SOX5: variants seen among roughly 807,000 people sequenced by gnomAD.
SOX5 encodes SRY-box transcription factor 5, also known as transcription factor SOX-5.
Under a neutral mutation model 92.0 loss-of-function variants are expected in SOX5, and 9 were observed. The ratio of observed to expected loss-of-function variants is 0.10; its 90% CI spans 0.06 to 0.17. SOX5 has a LOEUF of 0.17. Ranked by LOEUF, SOX5 falls within the 10% of genes least tolerant of loss-of-function variation. The probability of loss-of-function intolerance (pLI) is 1.00; values close to 1 mark genes in which losing one functional copy is unlikely to be tolerated. For synonymous variants in SOX5, 344 were observed against 336.3 expected, an observed-to-expected ratio of 1.02 and a Z score of -0.25; for missense variants, 642 against 944.5, an observed-to-expected ratio of 0.68 and a Z score of 4.20.
intron 2 of SOX5, among the ~76,000 whole-genome samples, chr12:24,343,683 A>C (rs924806154): frequency 6.6e-6 from 1 of 152,098 alleles, no homozygotes; most frequent in African/African-American, 2.4e-5. Flanking sequence ...GGTACATAGC[A>C]CATAATTATT....
In SOX5 at chr12:24,540,962, T is replaced by C. The variant is rs78849673; in HGVS notation, c.-251+21367A>G. ...GCATTGCAAAATATCATATATAATA[T>C]AAACTTAACATAACCCTTTTAATCT... On this transcript the variant is annotated intron_variant, in intron 1 of 4. Coordinates refer to the SOX5 transcript ENST00000446891. Among the ~76,000 whole-genome samples the C allele has an allele frequency of 1.0e-3, 157 of 152,298 alleles. 2 individuals carry two copies. In the East Asian group the frequency reaches 0.028, roughly 27 times the overall value.
At chr12:23,971,969 A>G (rs533309248) in intron 4 of SOX5, among the ~76,000 whole-genome samples, 46 of 152,364 alleles carry the variant, frequency 3.0e-4, no homozygotes, top group African/African-American at 1.1e-3. Context: ...GAGTAAAATT[A>G]GAATAAATGA....
At chr12:23,665,387 C>T (rs2083629816) in intron 7 of SOX5, 57 bp downstream of exon 7, 1 of 1,578,996 alleles carries the variant, frequency 6.3e-7, no homozygotes, top group East Asian at 2.2e-5. Flanking sequence ...TATTAAATTG[C>T]CTAATTTAAA....
intron 5 of SOX5, among the ~76,000 whole-genome samples, chr12:23,737,210 G>T (rs999873677): frequency 1.3e-5 from 2 of 151,986 alleles, no homozygotes; most frequent in African/African-American, 4.8e-5. Flanking sequence ...TGTTGTAATG[G>T]CCTCCATTTG....
At chr12:23,990,789 G>T (rs549068601) in intron 4 of SOX5, among the ~76,000 whole-genome samples, 2 of 152,154 alleles carry the variant, frequency 1.3e-5, no homozygotes, top group East Asian at 3.9e-4. Context: ...ACCTACCCAT[G>T]CCTAGAACAT....
At position 23,711,172 on chromosome 12, in the gene SOX5, C is replaced by T. The variant is rs536630590; in HGVS notation, c.810+23512G>A. Among the ~76,000 whole-genome samples, 10 of 152,196 alleles carry T rather than the reference C, an allele frequency of 6.6e-5. No homozygotes were observed. In the East Asian group the frequency reaches 1.5e-3, roughly 23 times the overall value. On this transcript the variant is annotated intron_variant, in intron 6 of 14. Coordinates refer to ENST00000451604, the MANE Select transcript of SOX5 (RefSeq NM_006940.6). ...ATGTTGCCTTTTTTTCTGTTTACATCGGCAATGTGGCATATTAGTTTGTCA... is the reference window on the plus strand; with the variant it reads ...ATGTTGCCTTTTTTTCTGTTTACATTGGCAATGTGGCATATTAGTTTGTCA...
At position 23,577,193 on chromosome 12, in the gene SOX5, T is replaced by TA. The variant is rs1391132741; in HGVS notation, c.1165-1356_1165-1355insT. On this transcript the variant is annotated intron_variant, in intron 9 of 14. Coordinates refer to ENST00000451604, the MANE Select transcript of SOX5 (RefSeq NM_006940.6). ...CACACACACATATATATATATATAT[T>TA]TTTTTTTTTTTTTTTTTTTGAGATG... Among the ~76,000 whole-genome samples, 526 of 53,512 alleles carry TA rather than the reference T, an allele frequency of 9.8e-3. 6 individuals carry two copies. The highest frequency in any genetic ancestry group is 0.039 in the Admixed American group (117 of 3,024). 35.1% of individuals were successfully genotyped at this position (53,512 alleles called of 152,430 possible).
At position 24,329,900 on chromosome 12, in the gene SOX5, G is replaced by C. The variant is rs567940525; in HGVS notation, c.-174+38663C>G. On this transcript the variant is annotated intron_variant, in intron 2 of 4. Coordinates refer to the SOX5 transcript ENST00000446891. The stretch of plus-strand genomic sequence containing the variant: ...TAGCCAGGTGTGGTAGAACATGCCT[G>C]TAATCCCAGCTACTTGGGAGGCTGA... 2.2e-4 allele frequency among the ~76,000 whole-genome samples: 33 copies of C among 152,270 alleles called. No individual in the cohort carries two copies. The South Asian group carries it at 6.8e-3, about 32-fold the overall frequency.
At chr12:24,031,034 G>A (rs559271345) in intron 4 of SOX5, among the ~76,000 whole-genome samples, 50 of 151,846 alleles carry the variant, frequency 3.3e-4, no homozygotes, top group South Asian at 6.2e-4. Flanking sequence ...TGAAAAAGAC[G>A]AAAGGTAACA....
At chr12:23,848,296 G>A (rs111819505) in intron 2 of SOX5, among the ~76,000 whole-genome samples, 1 of 152,164 alleles carries the variant, frequency 6.6e-6, no homozygotes, top group African/African-American at 2.4e-5. Context: ...TCCAGATAAG[G>A]TATCCCATTT....
rs80067266 is a variant in SOX5 at position 24,255,041 on chromosome 12, C to T, written c.-77+22175G>A. Among the ~76,000 whole-genome samples, 411 of 152,186 alleles carry T rather than the reference C, an allele frequency of 2.7e-3. 2 individuals are homozygous for T. The highest frequency in any genetic ancestry group is 9.5e-3 in the African/African-American group (394 of 41,534). ...AGAAAAGAAAGCAATGCAAAAAGAA[C>T]GGTACTGCCCTCTTTCTCTCCTGAA... On this transcript the variant is annotated intron_variant, in intron 3 of 4. Coordinates refer to the SOX5 transcript ENST00000446891.
chr12:24,304,518 A>C (rs751018450), intron 2 of SOX5, among the ~76,000 whole-genome samples: 7 of 152,204 alleles, frequency 4.6e-5, no homozygotes, highest in African/African-American at 9.7e-5. Context: ...GCAGTTTGGC[A>C]GCTAGGTGGT....
intron 2 of SOX5, among the ~76,000 whole-genome samples, chr12:24,333,854 A>T (rs1410620736): frequency 1.2e-5 from 1 of 85,814 alleles, no homozygotes; most frequent in Non-Finnish European, 3.5e-5. Context: ...ACCAAGTTAA[A>T]AAAAAAAAAA....
Position 23,724,478 on chromosome 12 carries a change from A to C in SOX5, c.810+10206T>G, listed in dbSNP as rs543707413. ...ATATTTTTTCCCTGTTTATAATATC[A>C]AGTCAAAAATTTATTGAAATAGAAT... On this transcript the variant is annotated intron_variant, in intron 6 of 14. Coordinates refer to ENST00000451604, the MANE Select transcript of SOX5 (RefSeq NM_006940.6). 2.6e-5 allele frequency among the ~76,000 whole-genome samples: 4 copies of C among 152,332 alleles called. No homozygotes were observed. The East Asian group carries it at 7.7e-4, about 29-fold the overall frequency.
intron 2 of SOX5, among the ~76,000 whole-genome samples, chr12:24,353,002 G>C (rs1274958362): frequency 1.3e-5 from 2 of 152,190 alleles, no homozygotes; most frequent in African/African-American, 4.8e-5. Flanking sequence ...CATGCCCAGG[G>C]GATGGGGGTG....
At chr12:23,961,064 C>G (rs181505661) in intron 4 of SOX5, among the ~76,000 whole-genome samples, 1 of 152,066 alleles carries the variant, frequency 6.6e-6, no homozygotes, top group Non-Finnish European at 1.5e-5. Context: ...ACATAATGTT[C>G]TTCAAATTGA....
At chr12:23,561,864 T>C (rs2136326999) in intron 11 of SOX5, among the ~76,000 whole-genome samples, 1 of 150,834 alleles carries the variant, frequency 6.6e-6, no homozygotes, top group Non-Finnish European at 1.5e-5. Flanking sequence ...AACCAACTGC[T>C]GTATCCACAG....
At chr12:24,193,337 C>T (rs1161984041) in intron 4 of SOX5, among the ~76,000 whole-genome samples, 1 of 152,198 alleles carries the variant, frequency 6.6e-6, no homozygotes, top group East Asian at 1.9e-4. Flanking sequence ...CACACCTCAT[C>T]TGAAAGATGA....
At chr12:24,255,461 A>G (rs1186160323) in intron 3 of SOX5, among the ~76,000 whole-genome samples, 1 of 152,196 alleles carries the variant, frequency 6.6e-6, no homozygotes, top group African/African-American at 2.4e-5. Context: ...TGTATAATTT[A>G]TCTTACCCCA....
Sources: gnomAD v4.1 joint callset for allele counts (sites outside exome capture counted in the v4.1 genomes callset) on GRCh38, gnomAD v4.1.1 for gene constraint, MANE v1.5 for transcripts, NCBI Gene and HGNC (gene_info 2026-07-23, HGNC 2026-07-21) for gene names.